Variants in PRORP observed in about 807,000 individuals in gnomAD.
PRORP encodes the protein mitochondrial ribonuclease P catalytic subunit.
PRORP carries 51 observed loss-of-function variants against 59.4 expected under a neutral mutation model. The observed-to-expected ratio is 0.86, with a 90% CI of 0.69 to 1.08. The LOEUF is 1.08. PRORP is among the 50% of genes least tolerant of loss of function. The pLI is 0.00. For missense variants in PRORP, 646 were observed against 690.3 expected (o/e 0.94, Z 0.72); for synonymous variants, 231 against 245.6 (o/e 0.94, Z 0.55).
chr14:35,191,496 G>A (rs961417920), intron 5 of PRORP, among the ~76,000 whole-genome samples: 3 of 152,016 alleles, frequency 2.0e-5, no homozygotes, highest in East Asian at 3.9e-4. Flanking sequence ...GAGCCCAGGA[G>A]TACGAGACCA....
At chr14:35,249,018 A>AAC (rs1445646756) in intron 5 of PRORP, among the ~76,000 whole-genome samples, 1 of 152,178 alleles carries the variant, frequency 6.6e-6, no homozygotes, top group African/African-American at 2.4e-5. Flanking sequence ...TGAGTTCTGG[A>AAC]ACACTGCCTC....
chr14:35,213,583 T>C (rs2049508400), intron 5 of PRORP, among the ~76,000 whole-genome samples: 1 of 152,194 alleles, frequency 6.6e-6, no homozygotes. Flanking sequence ...GTAGGAAATG[T>C]GCAACTCTTC....
intron 5 of PRORP, among the ~76,000 whole-genome samples, chr14:35,187,428 G>GTTTTTTTTTTTTTTTTTTTT (rs34808330): frequency 7.2e-6 from 1 of 138,982 alleles, no homozygotes. Context: ...TAGTTTCTTT[G>GTTTTTTTTTTTTTTTTTTTT]TTTTTTTTTT....
chr14:35,224,723 G>A (rs1340889182), intron 5 of PRORP, among the ~76,000 whole-genome samples: 1 of 152,176 alleles, frequency 6.6e-6, no homozygotes, highest in Non-Finnish European at 1.5e-5. Context: ...TGTCAGACGT[G>A]TAACACTTTA....
chr14:35,213,402 G>C (rs990224722), intron 5 of PRORP, among the ~76,000 whole-genome samples: 1 of 152,022 alleles, frequency 6.6e-6, no homozygotes, highest in African/African-American at 2.4e-5. Context: ...CTGCACTCCA[G>C]TCTGCAGAGT....
intron 5 of PRORP, among the ~76,000 whole-genome samples, chr14:35,228,704 C>T (rs1221370173): frequency 6.6e-6 from 1 of 152,164 alleles, no homozygotes; most frequent in Non-Finnish European, 1.5e-5. Flanking sequence ...ATCCAGTCCA[C>T]CATTGATGGG....
intron 5 of PRORP, among the ~76,000 whole-genome samples, chr14:35,200,321 A>G (rs766051299): frequency 1.3e-5 from 2 of 152,030 alleles, no homozygotes; most frequent in African/African-American, 2.4e-5. Flanking sequence ...CCTCCCGAGT[A>G]GCTGGCATTA....
chr14:35,201,183 C>CT (rs1566493776), intron 5 of PRORP, among the ~76,000 whole-genome samples: 2 of 152,166 alleles, frequency 1.3e-5, no homozygotes, highest in African/African-American at 2.4e-5. Context: ...ATCAACATGA[C>CT]TTATCACTGT....
intron 5 of PRORP, among the ~76,000 whole-genome samples, chr14:35,226,129 T>G (rs981849294): frequency 2.6e-5 from 4 of 152,254 alleles, no homozygotes; most frequent in Admixed American, 1.3e-4. Context: ...TTGTTAATAT[T>G]TGTGCCATGA....
chr14:35,218,054 T>C (rs2049650652), intron 5 of PRORP, among the ~76,000 whole-genome samples: 2 of 152,150 alleles, frequency 1.3e-5, no homozygotes, highest in East Asian at 3.8e-4. Flanking sequence ...AAATAAATAA[T>C]GGGGCTAACT....
intron 4 of PRORP, among the ~76,000 whole-genome samples, chr14:35,152,984 G>T (rs1419979701): frequency 2.0e-5 from 3 of 152,300 alleles, no homozygotes; most frequent in African/African-American, 7.2e-5. Flanking sequence ...CTTCCCAGAC[G>T]GGGTGGCGGC....
chr14:35,157,941 A>G (rs1410790890), intron 4 of PRORP: 2 of 193,180 alleles, frequency 1.0e-5, no homozygotes, highest in East Asian at 1.3e-4. Context: ...GAAGGTTCTC[A>G]AAGAGTTTTG....
intron 5 of PRORP, among the ~76,000 whole-genome samples, chr14:35,258,286 C>T (rs545117863): frequency 6.6e-6 from 1 of 152,114 alleles, no homozygotes; most frequent in Non-Finnish European, 1.5e-5. Flanking sequence ...GCCACCGCAC[C>T]TGGCAAAATA....
chr14:35,260,459 G>A (rs1428534243), intron 5 of PRORP, among the ~76,000 whole-genome samples: 3 of 152,164 alleles, frequency 2.0e-5, no homozygotes, highest in Admixed American at 2.0e-4. Flanking sequence ...TTGTCTTATA[G>A]TATAAGTTTA....
At chr14:35,157,725 C>A (rs1286272176) in intron 4 of PRORP, among the ~76,000 whole-genome samples, 1 of 152,170 alleles carries the variant, frequency 6.6e-6, no homozygotes, top group Admixed American at 6.5e-5. Context: ...ACACCCTAAA[C>A]AATTCAAGGC....
At chr14:35,160,590 A>G (rs999033029) in intron 4 of PRORP, among the ~76,000 whole-genome samples, 1 of 152,200 alleles carries the variant, frequency 6.6e-6, no homozygotes, top group African/African-American at 2.4e-5. Flanking sequence ...TTCTGTGGGA[A>G]CATTGAAAAC....
intron 4 of PRORP, among the ~76,000 whole-genome samples, chr14:35,173,391 G>A (rs936890078): frequency 3.9e-5 from 6 of 152,148 alleles, no homozygotes; most frequent in Non-Finnish European, 5.9e-5. Flanking sequence ...CCTTGCAGTG[G>A]GTAGCAGCTG....
At chr14:35,184,970 A>G (rs2048708068) in intron 5 of PRORP, among the ~76,000 whole-genome samples, 1 of 152,162 alleles carries the variant, frequency 6.6e-6, no homozygotes, top group Admixed American at 6.6e-5. Flanking sequence ...TGTTAATAGT[A>G]CTGCAGTGAA....
chr14:35,212,059 T>C (rs936702213), intron 5 of PRORP, among the ~76,000 whole-genome samples: 1 of 152,228 alleles, frequency 6.6e-6, no homozygotes, highest in Non-Finnish European at 1.5e-5. Context: ...TGATTCTGTC[T>C]CAAGAAACCA....
Sources: gnomAD v4.1 joint callset for allele counts (sites outside exome capture counted in the v4.1 genomes callset) on GRCh38, gnomAD v4.1.1 for gene constraint, MANE v1.5 for transcripts, NCBI Gene and HGNC (gene_info 2026-07-23, HGNC 2026-07-21) for gene names.